CTNND2: variants seen among roughly 807,000 people sequenced by gnomAD.
CTNND2 encodes the protein catenin delta 2.
CTNND2 carries 22 observed loss-of-function variants against 144.4 expected under a neutral mutation model. That is an observed-to-expected ratio of 0.15 (90% CI 0.11 to 0.22). The LOEUF (loss-of-function observed/expected upper bound fraction) is 0.22. Ranked by LOEUF, CTNND2 falls within the 10% of genes least tolerant of loss-of-function variation. The probability of loss-of-function intolerance (pLI) is 1.00; values close to 1 mark genes in which losing one functional copy is unlikely to be tolerated. For synonymous variants in CTNND2, 751 were observed against 695.6 expected, an observed-to-expected ratio of 1.08 and a Z score of -1.25; for missense variants, 1,353 against 1,618.8, an observed-to-expected ratio of 0.84 and a Z score of 2.82.
At chr5:11,304,429 T>A (rs1749963302) in intron 9 of CTNND2, among the ~76,000 whole-genome samples, 1 of 151,974 alleles carries the variant, frequency 6.6e-6, no homozygotes, top group Non-Finnish European at 1.5e-5. Context: ...CTCTCCCCCA[T>A]GCATAACACT....
intron 3 of CTNND2, among the ~76,000 whole-genome samples, chr5:11,532,019 C>T (rs1251263897): frequency 6.6e-6 from 1 of 152,208 alleles, no homozygotes; most frequent in Non-Finnish European, 1.5e-5. Context: ...CTGGACAACA[C>T]TCAGCTGTCA....
At chr5:11,265,452 C>T (rs436296) in intron 9 of CTNND2, among the ~76,000 whole-genome samples, 21,270 of 152,128 alleles carry the variant, frequency 0.14, 1,872 homozygotes, top group Middle Eastern at 0.24. Context: ...CCTTCTTTTG[C>T]AGGATGGTCC....
chr5:11,846,314 A>C (rs1487884647), intron 1 of CTNND2, among the ~76,000 whole-genome samples: 4 of 152,130 alleles, frequency 2.6e-5, no homozygotes, highest in Non-Finnish European at 5.9e-5. Flanking sequence ...CAAACTATCA[A>C]TCTTTGACTT....
intron 2 of CTNND2, among the ~76,000 whole-genome samples, chr5:11,678,141 A>T (rs536411714): frequency 6.6e-6 from 1 of 152,340 alleles, no homozygotes; most frequent in Non-Finnish European, 1.5e-5. Context: ...CAAGAAAAAA[A>T]AGTCAGAATT....
At chr5:11,847,965 C>T (rs746051264) in intron 1 of CTNND2, among the ~76,000 whole-genome samples, 30 of 151,798 alleles carry the variant, frequency 2.0e-4, no homozygotes, top group African/African-American at 6.0e-4. Flanking sequence ...AAAAACTGGA[C>T]GGCGTTTAGA....
rs1401801409 is a variant in CTNND2, at chr5:10,972,019, G to C, written c.*1434C>G. Reference sequence around the variant, plus strand: ...TATTCTAACGTTAGCTTCAAGTTCAGTTTTAATAATCTATTCCATAGTTGT... The same window carrying C: ...TATTCTAACGTTAGCTTCAAGTTCACTTTTAATAATCTATTCCATAGTTGT... On this transcript the variant is annotated 3_prime_UTR_variant, in exon 22 of 22. Coordinates refer to ENST00000304623, the MANE Select transcript of CTNND2 (RefSeq NM_001332.4). The C allele has an allele frequency of 6.6e-6, 1 of 152,628 alleles. No homozygotes were observed. The highest frequency in any genetic ancestry group is 2.4e-5 in the African/African-American group (1 of 41,446). 9.5% of individuals were successfully genotyped at this position (152,628 alleles called of 1,614,324 possible).
intron 5 of CTNND2, among the ~76,000 whole-genome samples, chr5:11,410,665 A>G (rs1399085291): frequency 6.6e-6 from 1 of 152,116 alleles, no homozygotes; most frequent in Non-Finnish European, 1.5e-5. Flanking sequence ...AAATGGAGAG[A>G]AAGTGATTTT....
intron 3 of CTNND2, among the ~76,000 whole-genome samples, chr5:11,540,637 G>A (rs1018172755): frequency 1.3e-5 from 2 of 152,154 alleles, no homozygotes; most frequent in African/African-American, 4.8e-5. Flanking sequence ...AGCCTCCTGA[G>A]TAGCTGGGAC....
chr5:11,865,035 A>G (rs958466387), intron 1 of CTNND2, among the ~76,000 whole-genome samples: 1 of 151,814 alleles, frequency 6.6e-6, no homozygotes, highest in Non-Finnish European at 1.5e-5. Context: ...AGCTGGGATT[A>G]CAGGCATGTG....
intron 3 of CTNND2, among the ~76,000 whole-genome samples, chr5:11,489,225 T>G (rs1372009783): frequency 6.6e-6 from 1 of 152,212 alleles, no homozygotes; most frequent in Non-Finnish European, 1.5e-5. Flanking sequence ...CTGTTCTGTT[T>G]TTAATGTTAG....
At chr5:10,979,550 T>G (rs904167352) in intron 21 of CTNND2, among the ~76,000 whole-genome samples, 1 of 152,218 alleles carries the variant, frequency 6.6e-6, no homozygotes, top group Non-Finnish European at 1.5e-5. Flanking sequence ...TGTATGAAGT[T>G]TCTGATCAAC....
At position 11,879,335 on chromosome 5, in the gene CTNND2, A is replaced by ATGTG. The variant is rs141467104; in HGVS notation, c.37+24478_37+24481dup. ...AATTTCAAGTGTATTAAAAAATTAAATGTGTGTATATATATATATATACAT... is the reference window on the plus strand; with the variant it reads ...AATTTCAAGTGTATTAAAAAATTAAATGTGTGTGTGTATATATATATATATACAT... On this transcript the variant is annotated intron_variant, in intron 1 of 21. Transcript: ENST00000304623. 5.8e-3 allele frequency among the ~76,000 whole-genome samples: 321 copies of ATGTG among 55,774 alleles called. 8 individuals are homozygous for ATGTG. Among genetic ancestry groups the ATGTG allele is most frequent in the Non-Finnish European group, 0.01 (255 of 24,402 alleles). The allele number at this position is 55,774 out of a possible 152,430, so 36.6% of individuals were successfully genotyped here.
At chr5:11,274,593 TA>T (rs1342034631) in intron 9 of CTNND2, among the ~76,000 whole-genome samples, 6 of 150,598 alleles carry the variant, frequency 4.0e-5, no homozygotes, top group African/African-American at 1.2e-4. Context: ...TTTTTTTTTT[TA>T]AAAAGGCAAC....
At chr5:11,639,566 C>A (rs1201532297) in intron 2 of CTNND2, among the ~76,000 whole-genome samples, 1 of 152,116 alleles carries the variant, frequency 6.6e-6, no homozygotes, top group Non-Finnish European at 1.5e-5. Context: ...AACATTAGTT[C>A]CACTGTGTAG....
At chr5:11,605,537 GT>G (rs1429099117) in intron 2 of CTNND2, among the ~76,000 whole-genome samples, 1 of 152,132 alleles carries the variant, frequency 6.6e-6, no homozygotes, top group Non-Finnish European at 1.5e-5. Flanking sequence ...GCCATTAGAG[GT>G]ATCTAAGTGA....
At chr5:11,747,404 T>G (rs921964461) in intron 1 of CTNND2, among the ~76,000 whole-genome samples, 18 of 152,314 alleles carry the variant, frequency 1.2e-4, no homozygotes, top group African/African-American at 3.4e-4. Flanking sequence ...TTCTTTTGGC[T>G]GAAACTTCAA....
chr5:11,484,977 T>C (rs1768658735), intron 3 of CTNND2, among the ~76,000 whole-genome samples: 1 of 152,200 alleles, frequency 6.6e-6, no homozygotes, highest in Non-Finnish European at 1.5e-5. Flanking sequence ...CCTGATTATA[T>C]CATATACTTA....
intron 2 of CTNND2, among the ~76,000 whole-genome samples, chr5:11,608,046 G>T (rs1780142341): frequency 6.6e-6 from 1 of 152,112 alleles, no homozygotes; most frequent in Non-Finnish European, 1.5e-5. Flanking sequence ...AAGATATTAT[G>T]CTGTGATGAT....
At chr5:11,341,782 A>G (rs1176645555) in intron 9 of CTNND2, among the ~76,000 whole-genome samples, 1 of 152,176 alleles carries the variant, frequency 6.6e-6, no homozygotes, top group Non-Finnish European at 1.5e-5. Context: ...CCAAGGCAGG[A>G]GGATCACTTG....
Sources: gnomAD v4.1 joint callset for allele counts (sites outside exome capture counted in the v4.1 genomes callset) on GRCh38, gnomAD v4.1.1 for gene constraint, MANE v1.5 for transcripts, NCBI Gene and HGNC (gene_info 2026-07-23, HGNC 2026-07-21) for gene names.